PPP2R3A: variants seen among roughly 807,000 people sequenced by gnomAD.
PPP2R3A encodes the protein protein phosphatase 2 regulatory subunit B''alpha, also known as serine/threonine-protein phosphatase 2A regulatory subunit B'' subunit alpha.
Under a neutral mutation model 106.9 loss-of-function variants are expected in PPP2R3A, and 80 were observed. The observed-to-expected ratio is 0.75, with a 90% CI of 0.62 to 0.90. PPP2R3A has a LOEUF of 0.90. Among genes scored for constraint, PPP2R3A ranks in the 40% least tolerant of loss-of-function variants. PPP2R3A has a pLI of 0.00. For synonymous variants in PPP2R3A, 483 were observed against 468.3 expected (o/e 1.03, Z -0.41); for missense variants, 1,386 against 1,350.4 (o/e 1.03, Z -0.41).
At chr3:135,995,826 G>A (rs949332837) in intron 1 of PPP2R3A, among the ~76,000 whole-genome samples, 2 of 152,144 alleles carry the variant, frequency 1.3e-5, no homozygotes, top group Non-Finnish European at 2.9e-5. Flanking sequence ...ATAAAATACA[G>A]TGGAAATAAT....
intron 8 of PPP2R3A, among the ~76,000 whole-genome samples, chr3:136,084,474 G>T (rs1427871935): frequency 6.6e-6 from 1 of 152,238 alleles, no homozygotes; most frequent in East Asian, 1.9e-4. Flanking sequence ...CCCTCATGGA[G>T]AACCTCTGCT....
At chr3:136,025,221 A>G (rs1934605946) in intron 2 of PPP2R3A, among the ~76,000 whole-genome samples, 3 of 152,174 alleles carry the variant, frequency 2.0e-5, no homozygotes, top group South Asian at 2.1e-4. Flanking sequence ...AGAAGTAGAC[A>G]TTGTAATTTC....
At chr3:136,016,912 G>A (rs1001214535) in intron 2 of PPP2R3A, among the ~76,000 whole-genome samples, 7 of 152,024 alleles carry the variant, frequency 4.6e-5, no homozygotes, top group African/African-American at 1.2e-4. Context: ...TTTATATGCC[G>A]TGTGAAATGT....
At chr3:136,022,987 C>T in intron 2 of PPP2R3A, 2 of 1,580,678 alleles carry the variant, frequency 1.3e-6, no homozygotes, top group South Asian at 1.2e-5. Flanking sequence ...ACCTTCCTAC[C>T]TGACAAGATT....
At chr3:136,047,343 A>G (rs78502179) in intron 4 of PPP2R3A, among the ~76,000 whole-genome samples, 53 of 152,346 alleles carry the variant, frequency 3.5e-4, no homozygotes, top group African/African-American at 1.3e-3. Context: ...TTATGCACCC[A>G]TATGTTCAAT....
intron 5 of PPP2R3A, among the ~76,000 whole-genome samples, chr3:136,061,612 A>T (rs1389493636): frequency 1.3e-5 from 2 of 151,848 alleles, no homozygotes; most frequent in Non-Finnish European, 2.9e-5. Context: ...TGGGTGACAG[A>T]GCAAGACTTT....
intron 1 of PPP2R3A, among the ~76,000 whole-genome samples, chr3:135,970,288 T>C (rs1186043999): frequency 6.6e-6 from 1 of 152,220 alleles, no homozygotes; most frequent in Non-Finnish European, 1.5e-5. Context: ...GACGCCTTGC[T>C]CAGAATTAAA....
At position 136,002,135 on chromosome 3, in the gene PPP2R3A, C is replaced by G. The variant is rs1195230462; in HGVS notation, c.637C>G (p.Gln213Glu). 3 of 1,613,972 alleles carry G rather than the reference C, an allele frequency of 1.9e-6. No individual in the cohort carries two copies. The part of the protein sequence containing the change: ...QNFSEEDLVT[Q>E]ILEKHKIDNF... ...CTTTTCTGAAGAAGACTTGGTTACT[C>G]AGATTTTGGAAAAACATAAAATAGA... Residue 213 changes from glutamine (Q) to glutamate (E), a missense_variant, in exon 2 of 14, where the codon CAG becomes GAG. Physicochemically the swap from Gln to Glu is conservative, Grantham distance 29. Transcript: ENST00000264977.
chr3:136,093,274 C>A (rs530740873), intron 10 of PPP2R3A, among the ~76,000 whole-genome samples: 1 of 151,928 alleles, frequency 6.6e-6, no homozygotes, highest in Non-Finnish European at 1.5e-5. Flanking sequence ...CCAGGCACAG[C>A]GGCACGCGCC....
chr3:136,046,399 A>G (rs1935471171), intron 4 of PPP2R3A, among the ~76,000 whole-genome samples: 1 of 151,894 alleles, frequency 6.6e-6, no homozygotes, highest in Admixed American at 6.6e-5. Context: ...GGTTGCAGTG[A>G]GCCGAGGTTG....
intron 7 of PPP2R3A, among the ~76,000 whole-genome samples, chr3:136,080,355 T>A (rs1010891637): frequency 6.6e-6 from 1 of 152,232 alleles, no homozygotes; most frequent in Admixed American, 6.5e-5. Flanking sequence ...TGAGTAAGAA[T>A]GTCTGTAGAA....
chr3:136,126,854 G>C (rs1054840973), intron 13 of PPP2R3A, among the ~76,000 whole-genome samples: 2 of 152,200 alleles, frequency 1.3e-5, no homozygotes, highest in Non-Finnish European at 2.9e-5. Flanking sequence ...GCCTCCGCTG[G>C]TGATACCCCG....
intron 5 of PPP2R3A, among the ~76,000 whole-genome samples, chr3:136,070,166 GGATGAATTGCCTT>G (rs1936381192): frequency 1.3e-5 from 2 of 152,224 alleles, no homozygotes; most frequent in South Asian, 4.1e-4. Flanking sequence ...ATAATCTGTG[GGATGAATTGCCTT>G]GATGTGCTGT....
rs1265345855 is a variant in PPP2R3A, at chr3:136,147,100, G to A, written c.*1934G>A. 1 of 152,048 alleles carries A rather than the reference G, an allele frequency of 6.6e-6. No individual in the cohort carries two copies. The highest frequency in any genetic ancestry group is 1.9e-4 in the East Asian group (1 of 5,194). 9.4% of individuals were successfully genotyped at this position (152,048 alleles called of 1,614,324 possible). A position where few individuals can be genotyped will look rare whatever the true frequency, so the allele number is the denominator to read the frequency against. On this transcript the variant is annotated 3_prime_UTR_variant, in exon 14 of 14. Coordinates refer to ENST00000264977, the MANE Select transcript of PPP2R3A (RefSeq NM_002718.5). Reference sequence around the variant, plus strand: ...CTCTTAATTATTGGCTGGGCATGGTGACTCATGCCTGTAATCCCGGCACTT... The same window carrying A: ...CTCTTAATTATTGGCTGGGCATGGTAACTCATGCCTGTAATCCCGGCACTT...
rs1258610766 is a variant in PPP2R3A, at chr3:136,146,948, T to C, written c.*1782T>C. On this transcript the variant is annotated 3_prime_UTR_variant, in exon 14 of 14. Coordinates refer to ENST00000264977, the MANE Select transcript of PPP2R3A (RefSeq NM_002718.5). Reference sequence around the variant, plus strand: ...TCCATAATGATCTAAACTAATAAGATTCACCAAAAAGTAAAAATTCAATTT... The same window carrying C: ...TCCATAATGATCTAAACTAATAAGACTCACCAAAAAGTAAAAATTCAATTT... 2.6e-5 allele frequency: 4 copies of C among 152,136 alleles called. No individual in the cohort carries two copies. The East Asian group carries it at 7.7e-4, about 29-fold the overall frequency. The allele number at this position is 152,136 out of a possible 1,614,324, so 9.4% of individuals were successfully genotyped here. A position where few individuals can be genotyped will look rare whatever the true frequency, so the allele number is the denominator to read the frequency against.
intron 1 of PPP2R3A, among the ~76,000 whole-genome samples, chr3:135,966,388 C>CGG (rs1261349244): frequency 3.3e-5 from 5 of 152,168 alleles, no homozygotes; most frequent in Non-Finnish European, 7.4e-5. Context: ...ACGGGATTCC[C>CGG]GGCCCGCCAG....
intron 13 of PPP2R3A, among the ~76,000 whole-genome samples, chr3:136,136,224 A>G (rs1045264108): frequency 6.6e-6 from 1 of 151,970 alleles, no homozygotes; most frequent in Non-Finnish European, 1.5e-5. Flanking sequence ...TAAGGGTACG[A>G]CTTGGCACAC....
chr3:136,021,322 T>C (rs1934456249), intron 2 of PPP2R3A, among the ~76,000 whole-genome samples: 1 of 152,100 alleles, frequency 6.6e-6, no homozygotes, highest in Non-Finnish European at 1.5e-5. Flanking sequence ...GGATGAAGCA[T>C]AAGACCAGTG....
Position 136,029,134 on chromosome 3 carries a change from CAG to C in PPP2R3A, c.2262+2037_2262+2038del, listed in dbSNP as rs780983909. On this transcript the variant is annotated intron_variant, in intron 3 of 13. Coordinates refer to ENST00000264977, the MANE Select transcript of PPP2R3A (RefSeq NM_002718.5). ...TCCCAAAGTGCTGAGATTACGCCAA[CAG>C]GGTATTTCTAACACGAGAGCAATTT... Among the ~76,000 whole-genome samples, 4 of 152,146 alleles carry C rather than the reference CAG, an allele frequency of 2.6e-5. No homozygotes were observed. In the East Asian group the frequency reaches 7.7e-4, roughly 29 times the overall value.
Sources: allele counts gnomAD v4.1 joint callset (sites outside exome capture counted in the v4.1 genomes callset), GRCh38; gene constraint gnomAD v4.1.1; transcripts MANE v1.5; gene names NCBI Gene and HGNC (gene_info 2026-07-23, HGNC 2026-07-21).